STPG1: variants seen among roughly 807,000 people sequenced by gnomAD.
STPG1 encodes the protein O(6)-methylguanine-induced apoptosis 2.
STPG1 carries 33 observed loss-of-function variants against 40.1 expected under a neutral mutation model. The observed-to-expected ratio is 0.82, with a 90% CI of 0.62 to 1.10. The LOEUF is 1.10. STPG1 is among the 50% of genes least tolerant of loss of function. The pLI, the probability that STPG1 is intolerant of heterozygous loss-of-function variation, is 0.00. For synonymous variants in STPG1, 150 were observed against 155.0 expected, an observed-to-expected ratio of 0.97 and a Z score of 0.24; for missense variants, 396 against 415.1, an observed-to-expected ratio of 0.95 and a Z score of 0.40.
chr1:24,390,488 G>A (rs1294883396), intron 3 of STPG1, among the ~76,000 whole-genome samples: 1 of 152,056 alleles, frequency 6.6e-6, no homozygotes, highest in Non-Finnish European at 1.5e-5. Context: ...GTGCGATCTC[G>A]GCTCACTACA....
chr1:24,392,092 C>T lies in STPG1; in HGVS notation c.71-413G>A, dbSNP rs1286874810. 4 of 991,532 alleles carry T rather than the reference C, an allele frequency of 4.0e-6. No homozygotes were observed. In the East Asian group the frequency reaches 4.5e-4, roughly 111 times the overall value. The allele number at this position is 991,532 out of a possible 1,614,324, so 61.4% of individuals were successfully genotyped here. The stretch of plus-strand genomic sequence containing the variant: ...CCTAGATTCAGACACCAGCATTAGG[C>T]CGTTAAAATCCAAAGAGGTTAGGGA... On this transcript the variant is annotated intron_variant, in intron 2 of 8. Coordinates refer to ENST00000337248, the MANE Select transcript of STPG1 (RefSeq NM_001199013.2).
At position 24,399,869 on chromosome 1, in the gene STPG1, G is replaced by A. The variant is rs977733364; in HGVS notation, c.70+1450C>T. Among the ~76,000 whole-genome samples, 3 of 152,152 alleles carry A rather than the reference G, an allele frequency of 2.0e-5. No homozygotes were observed. Among genetic ancestry groups the A allele is most frequent in the Non-Finnish European group, 4.4e-5 (3 of 68,008 alleles). On this transcript the variant is annotated intron_variant, in intron 2 of 8. Transcript: ENST00000337248. This position sits in a 1 kb window ranked among gnomAD's most constrained non-coding sequence, Gnocchi z 4.0. ...GCAATGCAAATTAAAACTATTATGAGCTTAAAATGTTGGTGAGGATTTGGA... is the reference window on the plus strand; with the variant it reads ...GCAATGCAAATTAAAACTATTATGAACTTAAAATGTTGGTGAGGATTTGGA...
chr1:24,364,098 C>T, intron 7 of STPG1: 1 of 1,447,014 alleles, frequency 6.9e-7, no homozygotes, highest in African/African-American at 1.4e-5. Context: ...CAACTCCATG[C>T]CTTTGTCCCT....
At chr1:24,379,568 C>A in intron 5 of STPG1, 85 bp downstream of exon 5, 1 of 1,459,442 alleles carries the variant, frequency 6.9e-7, no homozygotes, top group Admixed American at 1.7e-5. Context: ...CATTAAAATA[C>A]GATGTCCCCA....
At chr1:24,380,712 G>C (rs1415517678) in intron 4 of STPG1, among the ~76,000 whole-genome samples, 2 of 152,176 alleles carry the variant, frequency 1.3e-5, no homozygotes, top group African/African-American at 2.4e-5. Flanking sequence ...ACCCCCACTA[G>C]CATTTGGGGG....
At chr1:24,387,986 T>C (rs1478389998) in intron 3 of STPG1, among the ~76,000 whole-genome samples, 4 of 152,196 alleles carry the variant, frequency 2.6e-5, no homozygotes, top group Non-Finnish European at 5.9e-5. Context: ...AATTAACCAC[T>C]GGCTGGCTTC....
Position 24,401,198 on chromosome 1 carries a change from A to G in STPG1, c.70+121T>C, listed in dbSNP as rs919919510. ...TAGGGCCTAAAGCCACCTATTTGGT[A>G]TGCCTGTAAGGATGGCCCTGTGGAT... On this transcript the variant is annotated intron_variant, in intron 2 of 8. Coordinates refer to ENST00000337248, the MANE Select transcript of STPG1 (RefSeq NM_001199013.2). 4 of 732,596 alleles carry G rather than the reference A, an allele frequency of 5.5e-6. No individual in the cohort carries two copies. The South Asian group carries it at 5.5e-5, about 10-fold the overall frequency. The allele number at this position is 732,596 out of a possible 1,614,324, so 45.4% of individuals were successfully genotyped here.
chr1:24,406,656 G>T (rs1293365931), intron 1 of STPG1, among the ~76,000 whole-genome samples: 1 of 151,770 alleles, frequency 6.6e-6, no homozygotes, highest in Non-Finnish European at 1.5e-5. Flanking sequence ...GGGTTCATAG[G>T]TTTTTTTCTC....
intron 1 of STPG1, chr1:24,411,512 G>A (rs79614523): frequency 1.3e-5 from 2 of 152,192 alleles, no homozygotes; most frequent in East Asian, 3.8e-4. Flanking sequence ...TGCAATCATA[G>A]CTTACTGCAA....
Position 24,358,462 on chromosome 1 carries a change from G to C in STPG1, c.*81C>G. The stretch of plus-strand genomic sequence containing the variant: ...TTGTCAGCTGCCACACTCATGATCG[G>C]TCTCCTCCTGAGGAATGTCCTGGGG... On this transcript the variant is annotated 3_prime_UTR_variant, in exon 9 of 9. Transcript: ENST00000337248. 1 of 1,207,478 alleles carries C rather than the reference G, an allele frequency of 8.3e-7. No individual in the cohort carries two copies. Among genetic ancestry groups the C allele is most frequent in the African/African-American group, 1.5e-5 (1 of 67,010 alleles). The allele number at this position is 1,207,478 out of a possible 1,614,324, so 74.8% of individuals were successfully genotyped here.
chr1:24,377,403 T>C (rs1642079193), intron 5 of STPG1, among the ~76,000 whole-genome samples: 1 of 151,932 alleles, frequency 6.6e-6, no homozygotes, highest in Admixed American at 6.6e-5. Context: ...CCTTCTCCCT[T>C]CTCCTCTTGC....
At chr1:24,373,533 T>C (rs1273009749) in intron 6 of STPG1, among the ~76,000 whole-genome samples, 169 bp downstream of exon 6, 6 of 152,112 alleles carry the variant, frequency 3.9e-5, no homozygotes, top group Non-Finnish European at 7.4e-5. Flanking sequence ...CTGGTGGGGA[T>C]TGCTGGCTGT....
intron 1 of STPG1, among the ~76,000 whole-genome samples, chr1:24,408,216 T>A (rs1413463408): frequency 6.6e-6 from 1 of 152,230 alleles, no homozygotes; most frequent in East Asian, 1.9e-4. Flanking sequence ...TCCCCACTAC[T>A]AAGGCATGAC....
chr1:24,385,552 T>A (rs573757211), intron 3 of STPG1, among the ~76,000 whole-genome samples: 2 of 152,360 alleles, frequency 1.3e-5, no homozygotes, highest in East Asian at 3.9e-4. Flanking sequence ...GTGCTCATTT[T>A]GTGCCATGCA....
chr1:24,369,244 G>A (rs564441675), intron 7 of STPG1: 4 of 408,348 alleles, frequency 9.8e-6, no homozygotes, highest in South Asian at 1.9e-5. Context: ...CCACTCCAGC[G>A]AAGATTTTAT....
intron 3 of STPG1, among the ~76,000 whole-genome samples, chr1:24,387,790 A>G (rs1347399062): frequency 7.9e-5 from 12 of 152,194 alleles, no homozygotes; most frequent in Non-Finnish European, 1.8e-4. Context: ...GTCAGGCTTC[A>G]CAGAGCAGGG....
rs1025304833 is a variant in STPG1 at position 24,359,592 on chromosome 1, G to A, written c.929-973C>T. On this transcript the variant is annotated intron_variant, in intron 8 of 8. Transcript: ENST00000337248. This position sits in a 1 kb window ranked among gnomAD's most constrained non-coding sequence, Gnocchi z 5.3. ...TCTCACCTGTGAGTATGGAGCTGAC[G>A]GCATCTCCCCACCTGACTGTGGCCT... Among the ~76,000 whole-genome samples, 2 of 152,142 alleles carry A rather than the reference G, an allele frequency of 1.3e-5. No individual in the cohort carries two copies. The highest frequency in any genetic ancestry group is 1.5e-5 in the Non-Finnish European group (1 of 68,026).
At chr1:24,405,835 C>T (rs1200134921) in intron 1 of STPG1, among the ~76,000 whole-genome samples, 1 of 151,972 alleles carries the variant, frequency 6.6e-6, no homozygotes, top group Non-Finnish European at 1.5e-5. Flanking sequence ...ATTAACATGG[C>T]CATTTTGGCT....
rs1163714961 is a variant in STPG1 at position 24,359,708 on chromosome 1, G to A, written c.929-1089C>T. On this transcript the variant is annotated intron_variant, in intron 8 of 8. Transcript: ENST00000337248. The surrounding 1 kb of genome is among the most constrained non-coding windows in gnomAD (Gnocchi z 5.3). Reference sequence around the variant, plus strand: ...AGAAAGGCTGGGTGTAACCAAGCTGGCAGTCATCACAGCTCTGCCTTCATC... The same window carrying A: ...AGAAAGGCTGGGTGTAACCAAGCTGACAGTCATCACAGCTCTGCCTTCATC... 2.0e-5 allele frequency among the ~76,000 whole-genome samples: 3 copies of A among 152,194 alleles called. No individual in the cohort carries two copies. The East Asian group carries it at 5.8e-4, about 29-fold the overall frequency.
Sources: gnomAD v4.1 joint callset for allele counts (sites outside exome capture counted in the v4.1 genomes callset) on GRCh38, gnomAD v4.1.1 for gene constraint, Gnocchi (gnomAD v3.1) non-coding constraint, MANE v1.5 for transcripts, NCBI Gene and HGNC (gene_info 2026-07-23, HGNC 2026-07-21) for gene names.